The following ATG7 variants were observed in gnomAD, a reference collection of about 807,000 sequenced individuals.
ATG7 encodes ubiquitin-like modifier-activating enzyme ATG7.
ATG7 carries 70 observed loss-of-function variants against 82.4 expected under a neutral mutation model. The ratio of observed to expected loss-of-function variants is 0.85; its 90% CI spans 0.70 to 1.04. The LOEUF (loss-of-function observed/expected upper bound fraction) is 1.04, where lower values mean the gene tolerates loss of function less well. ATG7 is among the 50% of genes least tolerant of loss of function. The probability of loss-of-function intolerance (pLI) is 0.00; values close to 1 mark genes in which losing one functional copy is unlikely to be tolerated. For synonymous variants in ATG7, 287 were observed against 313.0 expected (o/e 0.92, Z 0.88); for missense variants, 792 against 864.3 (o/e 0.92, Z 1.05).
intron 11 of ATG7, among the ~76,000 whole-genome samples, chr3:11,335,577 CACTT>C (rs1952317419): frequency 6.6e-6 from 1 of 152,194 alleles, no homozygotes; most frequent in South Asian, 2.1e-4. Context: ...ATGGGGTAAT[CACTT>C]AATTCTGCCA....
At chr3:11,498,790 T>C (rs1461480289) in intron 20 of ATG7, among the ~76,000 whole-genome samples, 1 of 152,250 alleles carries the variant, frequency 6.6e-6, no homozygotes, top group African/African-American at 2.4e-5. Flanking sequence ...ACCCACTTGT[T>C]TGACTCTGTC....
At chr3:11,307,607 A>C (rs1947965752) in intron 6 of ATG7, among the ~76,000 whole-genome samples, 1 of 152,158 alleles carries the variant, frequency 6.6e-6, no homozygotes, top group South Asian at 2.1e-4. Context: ...ATAGCAAATC[A>C]CATGTAATTC....
intron 19 of ATG7, among the ~76,000 whole-genome samples, chr3:11,391,584 C>T (rs941008398): frequency 1.3e-5 from 2 of 152,178 alleles, no homozygotes; most frequent in Admixed American, 6.5e-5. Context: ...CGGTTCTTGT[C>T]CCTGTCCCAC....
chr3:11,288,231 T>A (rs1944408919), intron 3 of ATG7, among the ~76,000 whole-genome samples: 1 of 152,256 alleles, frequency 6.6e-6, no homozygotes, highest in Admixed American at 6.5e-5. Flanking sequence ...ATCTCTCTGA[T>A]CTATTTCCTG....
the ATG7 span, among the ~76,000 whole-genome samples, chr3:11,563,760 C>T: frequency 6.6e-6 from 1 of 152,188 alleles, no homozygotes; most frequent in African/African-American, 2.4e-5. Context: ...GGGGTCTGTG[C>T]CATTTTGTTA....
At position 11,549,988 on chromosome 3, in the gene ATG7, G is replaced by A. The variant is rs1421131807; in HGVS notation, c.2080-4823G>A. The stretch of plus-strand genomic sequence containing the variant: ...TTTCCCTGAGGACTGCAAACTGCAC[G>A]TCTTTTCTTATTTGCCATTATATTT... On this transcript the variant is annotated intron_variant, in intron 20 of 20. Transcript: ENST00000693202. 2.0e-5 allele frequency among the ~76,000 whole-genome samples: 3 copies of A among 152,142 alleles called. No individual in the cohort carries two copies. In the South Asian group the frequency reaches 6.2e-4, roughly 32 times the overall value.
At chr3:11,562,624 CGGAT>C, downstream of ATG7, among the ~76,000 whole-genome samples, 1 of 152,356 alleles carries the variant, frequency 6.6e-6, no homozygotes, top group South Asian at 2.1e-4. Flanking sequence ...GAGCCCAGCT[CGGAT>C]TGGTGTGCAT....
At chr3:11,342,057 G>T in intron 12 of ATG7, 78 bp from the exon 13 acceptor site, 5 of 1,420,106 alleles carry the variant, frequency 3.5e-6, no homozygotes, top group South Asian at 1.5e-5. Flanking sequence ...TTATTTTCTT[G>T]CATAGCCACT....
chr3:11,510,891 G>A (rs1389400302), intron 20 of ATG7, among the ~76,000 whole-genome samples: 2 of 152,188 alleles, frequency 1.3e-5, no homozygotes, highest in African/African-American at 2.4e-5. Context: ...CGGAATTGGT[G>A]GGTTCTTGGT....
At chr3:11,504,393 C>G (rs2091564253) in intron 20 of ATG7, among the ~76,000 whole-genome samples, 1 of 152,190 alleles carries the variant, frequency 6.6e-6, no homozygotes, top group Non-Finnish European at 1.5e-5. Context: ...CTATGCAAAC[C>G]ATTGGAGGAT....
intron 19 of ATG7, among the ~76,000 whole-genome samples, chr3:11,413,596 ATGAAT>A (rs59357176): frequency 0.21 from 31,831 of 151,952 alleles, 3,712 homozygotes; most frequent in South Asian, 0.34. Flanking sequence ...GACTTAATAA[ATGAAT>A]TCAGCAAAGT....
At chr3:11,498,562 C>G (rs1422397543) in intron 20 of ATG7, among the ~76,000 whole-genome samples, 1 of 152,232 alleles carries the variant, frequency 6.6e-6, no homozygotes, top group East Asian at 1.9e-4. Context: ...CCGTGTCACT[C>G]CTGTGACCAA....
chr3:11,512,475 C>T (rs1312219227), intron 20 of ATG7, among the ~76,000 whole-genome samples: 1 of 152,198 alleles, frequency 6.6e-6, no homozygotes, highest in Middle Eastern at 3.2e-3. Flanking sequence ...ACTCTGAAAT[C>T]AAATGAGGTA....
chr3:11,424,572 G>T lies in ATG7; in HGVS notation c.1957-2232G>T, dbSNP rs149672790. On this transcript the variant is annotated intron_variant, in intron 19 of 20. Transcript: ENST00000693202. ...ATTAAATTATGGTGTATTTATTATC[G>T]GTGGCAATTAAATAATTTTAATTTT... Among the ~76,000 whole-genome samples the T allele has an allele frequency of 1.2e-4, 18 of 148,376 alleles. No homozygotes were observed. In the South Asian group the frequency reaches 3.7e-3, roughly 30 times the overall value.
At chr3:11,472,080 A>G (rs1404362286) in intron 20 of ATG7, among the ~76,000 whole-genome samples, 1 of 152,148 alleles carries the variant, frequency 6.6e-6, no homozygotes, top group African/African-American at 2.4e-5. Context: ...CAAAATTATT[A>G]TATTAGTCTC....
intron 20 of ATG7, among the ~76,000 whole-genome samples, chr3:11,523,130 A>G (rs778354996): frequency 9.2e-5 from 14 of 152,228 alleles, no homozygotes; most frequent in Non-Finnish European, 1.9e-4. Context: ...GCCCAATCCA[A>G]GTCATCCCTG....
Position 11,554,987 on chromosome 3 carries a change from CA to C in ATG7, c.*145del. On this transcript the variant is annotated 3_prime_UTR_variant, in exon 21 of 21. Transcript: ENST00000693202. The stretch of plus-strand genomic sequence containing the variant: ...GTCTGGGATTCCCCCCTCTGCTGCC[CA>C]GGAGTGGCCAGTGTTCGGCGTTGCT... The C allele has an allele frequency of 9.9e-7, 1 of 1,009,536 alleles. No homozygotes were observed. Among genetic ancestry groups the C allele is most frequent in the South Asian group, 1.7e-5 (1 of 58,546 alleles). 62.5% of individuals were successfully genotyped at this position (1,009,536 alleles called of 1,614,324 possible). A position where few individuals can be genotyped will look rare whatever the true frequency, so the allele number is the denominator to read the frequency against.
At chr3:11,294,246 AT>A (rs1028361484) in intron 3 of ATG7, among the ~76,000 whole-genome samples, 2 of 150,104 alleles carry the variant, frequency 1.3e-5, no homozygotes, top group African/African-American at 2.5e-5. Context: ...ATTTTATTTT[AT>A]TTTTTTTTGA....
chr3:11,459,428 C>G (rs139129280), intron 20 of ATG7, among the ~76,000 whole-genome samples: 33 of 151,786 alleles, frequency 2.2e-4, no homozygotes, highest in African/African-American at 7.5e-4. Context: ...TTTAAGATAG[C>G]TATACTCAAC....
Sources: allele counts gnomAD v4.1 joint callset (sites outside exome capture counted in the v4.1 genomes callset), GRCh38; gene constraint gnomAD v4.1.1; transcripts MANE v1.5; gene names NCBI Gene and HGNC (gene_info 2026-07-23, HGNC 2026-07-21).